The following GBP7 variants were observed in gnomAD, a reference collection of about 807,000 sequenced individuals.
GBP7 encodes guanylate binding protein 7.
GBP7 carries 43 observed loss-of-function variants against 61.3 expected under a neutral mutation model. That is an observed-to-expected ratio of 0.70 (90% CI 0.55 to 0.91). GBP7 has a LOEUF of 0.91. GBP7 is among the 40% of genes least tolerant of loss of function. The pLI is 0.00. For missense variants in GBP7, 717 were observed against 740.5 expected, an observed-to-expected ratio of 0.97 and a Z score of 0.37; for synonymous variants, 267 against 271.0, an observed-to-expected ratio of 0.99 and a Z score of 0.14.
chr1:89,160,091 T>A (rs553893204), intron 3 of GBP7, among the ~76,000 whole-genome samples: 1 of 152,082 alleles, frequency 6.6e-6, no homozygotes, highest in East Asian at 1.9e-4. Context: ...AACCATCATT[T>A]TGAGCAAACT....
intron 9 of GBP7, among the ~76,000 whole-genome samples, chr1:89,139,738 TG>T (rs1681889187): frequency 6.6e-6 from 1 of 152,132 alleles, no homozygotes; most frequent in African/African-American, 2.4e-5. Context: ...AAAACCACAA[TG>T]AGATACCATC....
chr1:89,150,347 A>T lies in GBP7; in HGVS notation c.854T>A (p.Ile285Asn). ...HAKTKTLREG[I>N]LVTGNRLGML... ...AGACTCACGGTTTCCAGTGACAAGG[A>T]TTCCCTCTCTCAGGGTCTTGGTCTT... The change falls in exon 6 of 11, where the codon ATC becomes AAC. Residue 285 changes from isoleucine (I) to asparagine (N), a missense_variant. Transcript: ENST00000294671. The T allele has an allele frequency of 6.2e-7, 1 of 1,613,344 alleles. No individual in the cohort carries two copies. The highest frequency in any genetic ancestry group is 8.5e-7 in the Non-Finnish European group (1 of 1,179,284).
chr1:89,171,600 G>T, intron 2 of GBP7, 146 bp downstream of exon 2: 1 of 568,462 alleles, frequency 1.8e-6, no homozygotes, highest in Non-Finnish European at 2.9e-6. Context: ...CCTCCAGAGT[G>T]AATTTGAAGG....
chr1:89,142,869 T>G (rs1225558447), intron 8 of GBP7, among the ~76,000 whole-genome samples: 1 of 152,186 alleles, frequency 6.6e-6, no homozygotes, highest in African/African-American at 2.4e-5. Context: ...TTTTTTTTCT[T>G]ATTGTGTGAT....
chr1:89,134,810 G>A (rs1315849139), intron 9 of GBP7, among the ~76,000 whole-genome samples: 1 of 152,110 alleles, frequency 6.6e-6, no homozygotes, highest in Admixed American at 6.5e-5. Context: ...CTCCAAATGA[G>A]TCCACTAGCT....
Position 89,152,752 on chromosome 1 carries a change from A to G in GBP7, c.344T>C (p.Ile115Thr). Residue 115 changes from isoleucine (I) to threonine (T), a missense_variant, in exon 4 of 11, where the codon ATC (isoleucine) becomes ACC (threonine). By Grantham distance (89) the Ile-to-Thr change is moderately conservative. This residue lies in a region of GBP7 where 387 missense variants were observed against 385.2 expected (regional missense o/e 1.00). Transcript: ENST00000294671. ...EKSDPKSDSW[I>T]FALAVLLSSS... ...GCTTAGAAGCACAGCCAGGGCAAAG[A>G]TCCACGAGTCACTCTTAGGGTCACT... 6.2e-7 allele frequency: 1 copy of G among 1,612,308 alleles called. No homozygotes were observed. Among genetic ancestry groups the G allele is most frequent in the South Asian group, 1.1e-5 (1 of 90,952 alleles).
intron 3 of GBP7, among the ~76,000 whole-genome samples, chr1:89,159,106 T>C (rs1442846559): frequency 2.6e-5 from 4 of 152,116 alleles, no homozygotes; most frequent in African/African-American, 7.2e-5. Flanking sequence ...AAACAAGAAA[T>C]GGGGAAAGGA....
chr1:89,145,190 A>T (rs936464184), intron 8 of GBP7, among the ~76,000 whole-genome samples: 3 of 151,946 alleles, frequency 2.0e-5, no homozygotes, highest in African/African-American at 4.8e-5. Context: ...TGACCTTGTG[A>T]TCCACCTGCC....
In GBP7 at chr1:89,164,782, T is replaced by C; in HGVS notation, c.267A>G (p.Pro89=). ...WMWCVPHPSK[P]NHTLILLDTE... is the part of the protein sequence containing the mutation. ...TGTCCAGAAGGATCAGGGTGTGGTT[T>C]GGCTTGGAGGGGTGGGGCACACACC... The change falls in exon 3 of 11, where the codon CCA becomes CCG. Residue 89 remains proline (P), a synonymous_variant. Transcript: ENST00000294671. 1 of 1,614,028 alleles carries C rather than the reference T, an allele frequency of 6.2e-7. No individual in the cohort carries two copies. The highest frequency in any genetic ancestry group is 1.1e-5 in the South Asian group (1 of 91,086).
At chr1:89,145,260 T>G (rs966988334) in intron 8 of GBP7, among the ~76,000 whole-genome samples, 1 of 152,152 alleles carries the variant, frequency 6.6e-6, no homozygotes, top group Non-Finnish European at 1.5e-5. Context: ...TGACTTTCGC[T>G]CTTTTTAAAT....
Position 89,149,403 on chromosome 1 carries a change from G to T in GBP7, c.1041C>A (p.Asp347Glu). 2 of 1,614,204 alleles carry T rather than the reference G, an allele frequency of 1.2e-6. No homozygotes were observed. The highest frequency in any genetic ancestry group is 2.2e-5 in the South Asian group (2 of 91,088). ...QMAQQVRFPT[D>E]TLQELLDVHA... ...GCACGTCCAGCAGCTCCTGGAGTGT[G>T]TCTGTGGGGAATCTCACTTGCTGGG... The change falls in exon 7 of 11, where the codon GAC (aspartate) becomes GAA (glutamate). Residue 347 changes from aspartate to glutamate, a missense_variant. Coordinates refer to ENST00000294671, the MANE Select transcript of GBP7 (RefSeq NM_207398.3).
chr1:89,149,241 T>C, intron 7 of GBP7, 51 bp downstream of exon 7: 1 of 1,487,240 alleles, frequency 6.7e-7, no homozygotes, highest in Non-Finnish European at 9.1e-7. Flanking sequence ...GGACTATAAG[T>C]ATCATTCCAG....
chr1:89,151,782 C>G (rs1191078540), intron 5 of GBP7, among the ~76,000 whole-genome samples: 1 of 151,916 alleles, frequency 6.6e-6, no homozygotes, highest in Non-Finnish European at 1.5e-5. Context: ...CTGTATGAAT[C>G]TCCTTTTTCT....
intron 3 of GBP7, among the ~76,000 whole-genome samples, chr1:89,156,417 TAA>T (rs1169389140): frequency 6.6e-6 from 1 of 152,088 alleles, no homozygotes; most frequent in African/African-American, 2.4e-5. Context: ...GCAAATTGGA[TAA>T]AGAGACAAGA....
intron 1 of GBP7, among the ~76,000 whole-genome samples, chr1:89,174,473 A>G (rs1034926964): frequency 6.6e-6 from 1 of 152,180 alleles, no homozygotes; most frequent in Non-Finnish European, 1.5e-5. Flanking sequence ...TCACGTTCAC[A>G]TTTAGATCTT....
intron 3 of GBP7, among the ~76,000 whole-genome samples, chr1:89,158,935 G>A (rs942448590): frequency 6.6e-6 from 1 of 151,974 alleles, no homozygotes; most frequent in Non-Finnish European, 1.5e-5. Flanking sequence ...CAAAGCTGGA[G>A]GCATCACACT....
chr1:89,150,222 A>C (rs1440028441), intron 6 of GBP7, 108 bp downstream of exon 6: 65 of 1,041,242 alleles, frequency 6.2e-5, no homozygotes, highest in Non-Finnish European at 7.4e-5. Context: ...CACACCTCAT[A>C]ACACAGATGT....
rs573658351 is a variant in GBP7 at position 89,140,278 on chromosome 1, C to T, written c.1468+1268G>A. Among the ~76,000 whole-genome samples, 18 of 102,576 alleles carry T rather than the reference C, an allele frequency of 1.8e-4. No homozygotes were observed. The South Asian group carries it at 1.9e-3, about 11-fold the overall frequency. 67.3% of individuals were successfully genotyped at this position (102,576 alleles called of 152,430 possible). ...ACACAGGAACAGGAACATCACACTCCGGGGACTGTTGTGGGGTGGGGGGAG... is the reference window on the plus strand; with the variant it reads ...ACACAGGAACAGGAACATCACACTCTGGGGACTGTTGTGGGGTGGGGGGAG... On this transcript the variant is annotated intron_variant, in intron 9 of 10. Coordinates refer to ENST00000294671, the MANE Select transcript of GBP7 (RefSeq NM_207398.3).
chr1:89,154,791 G>A (rs1417011717), intron 3 of GBP7, among the ~76,000 whole-genome samples: 3 of 129,560 alleles, frequency 2.3e-5, no homozygotes, highest in African/African-American at 9.1e-5. Context: ...TACCATGAAA[G>A]TTAATAAAAT....
Sources: allele counts gnomAD v4.1 joint callset (sites outside exome capture counted in the v4.1 genomes callset), GRCh38; gene constraint gnomAD v4.1.1; regional missense constraint gnomAD v4.1.1; transcripts MANE v1.5; gene names NCBI Gene and HGNC (gene_info 2026-07-23, HGNC 2026-07-21).